NXN: variants seen among roughly 807,000 people sequenced by gnomAD.
The protein encoded by NXN is nucleoredoxin.
NXN carries 16 observed loss-of-function variants against 48.6 expected under a neutral mutation model. That is an observed-to-expected ratio of 0.33 (90% CI 0.22 to 0.50). The LOEUF is 0.50. NXN is among the 20% of genes least tolerant of loss of function. The pLI is 0.98. For missense variants in NXN, 492 were observed against 605.5 expected (o/e 0.81, Z 1.97); for synonymous variants, 281 against 269.6 (o/e 1.04, Z -0.41).
chr17:868,573 C>G (rs888979891), intron 1 of NXN, among the ~76,000 whole-genome samples: 6 of 152,214 alleles, frequency 3.9e-5, no homozygotes, highest in Admixed American at 2.0e-4. Flanking sequence ...CTTACTGCAA[C>G]CTCCGCCTCC....
chr17:965,252 A>G (rs566382446), intron 1 of NXN, among the ~76,000 whole-genome samples: 179 of 152,272 alleles, frequency 1.2e-3, no homozygotes, highest in Non-Finnish European at 2.2e-3. Context: ...CCAGCAACCC[A>G]CCGACGGAGG....
chr17:877,201 G>A (rs1157652952), intron 1 of NXN, among the ~76,000 whole-genome samples: 2 of 151,966 alleles, frequency 1.3e-5, no homozygotes, highest in Non-Finnish European at 2.9e-5. Flanking sequence ...AGGCTGGAGT[G>A]CAGTGGCATG....
chr17:850,637 G>A (rs138560573), intron 1 of NXN, among the ~76,000 whole-genome samples: 26 of 152,290 alleles, frequency 1.7e-4, no homozygotes, highest in Admixed American at 1.0e-3. Flanking sequence ...CCAGGGGGGC[G>A]GCGTGGGGGC....
chr17:935,756 T>C (rs563858252), intron 1 of NXN, among the ~76,000 whole-genome samples: 4 of 151,942 alleles, frequency 2.6e-5, no homozygotes, highest in Admixed American at 6.6e-5. Context: ...TTTCATAACA[T>C]CCCACTAGAT....
chr17:962,534 A>G (rs2069250007), intron 1 of NXN, among the ~76,000 whole-genome samples: 1 of 152,052 alleles, frequency 6.6e-6, no homozygotes, highest in African/African-American at 2.4e-5. Flanking sequence ...CAGTCTCATA[A>G]CCCCATCTCA....
Position 958,909 on chromosome 17 carries a change from G to C in NXN, c.360+20410C>G, listed in dbSNP as rs1246286288. 1 of 155,840 alleles carries C rather than the reference G, an allele frequency of 6.4e-6. No individual in the cohort carries two copies. The highest frequency in any genetic ancestry group is 2.0e-4 in the South Asian group (1 of 5,028). 9.7% of individuals were successfully genotyped at this position (155,840 alleles called of 1,614,324 possible). A position where few individuals can be genotyped will look rare whatever the true frequency, so the allele number is the denominator to read the frequency against. The stretch of plus-strand genomic sequence containing the variant: ...ATCACACTACTGTGCTCCAGCCTGG[G>C]TGACAGCCTGAGACTTGTCTTTAAA... On this transcript the variant is annotated intron_variant, in intron 1 of 7. Transcript: ENST00000336868. This position sits in a 1 kb window ranked among gnomAD's most constrained non-coding sequence, Gnocchi z 6.9.
chr17:863,798 A>C (rs1344372840), intron 1 of NXN: 2 of 676,844 alleles, frequency 3.0e-6, no homozygotes, highest in African/African-American at 3.6e-5. Context: ...GGTTGAAAAA[A>C]GTCCACATAC....
In NXN at chr17:825,914, G is replaced by A; in HGVS notation, c.478+47C>T. 1 of 1,219,504 alleles carries A rather than the reference G, an allele frequency of 8.2e-7. No homozygotes were observed. The highest frequency in any genetic ancestry group is 1.2e-6 in the Non-Finnish European group (1 of 838,188). The allele number at this position is 1,219,504 out of a possible 1,614,324, so 75.5% of individuals were successfully genotyped here. ...AGATTAGCCTAAGGGCATGGAGGAGGGAGGGCTGGGTAATAAGAGGACCAT... is the reference window on the plus strand; with the variant it reads ...AGATTAGCCTAAGGGCATGGAGGAGAGAGGGCTGGGTAATAAGAGGACCAT... On this transcript the variant is annotated intron_variant, in intron 2 of 7. Transcript: ENST00000336868. The surrounding 1 kb of genome is among the most constrained non-coding windows in gnomAD (Gnocchi z 4.1).
chr17:929,747 G>A (rs575386172), intron 1 of NXN: 1 of 152,174 alleles, frequency 6.6e-6, no homozygotes, highest in Non-Finnish European at 1.5e-5. Context: ...CAAAGCAGCT[G>A]GGCTGCTCTG....
chr17:814,782 T>C (rs1912374208), intron 5 of NXN, among the ~76,000 whole-genome samples: 2 of 150,116 alleles, frequency 1.3e-5, no homozygotes, highest in South Asian at 4.6e-4. Flanking sequence ...TCCCAGCACT[T>C]AGGGAGGAAT....
intron 1 of NXN, among the ~76,000 whole-genome samples, chr17:900,416 T>C (rs2068526552): frequency 6.6e-6 from 1 of 152,168 alleles, no homozygotes; most frequent in Non-Finnish European, 1.5e-5. Context: ...GAGCTGACCA[T>C]CTGGCTTCAG....
chr17:946,188 G>T (rs11868693), intron 1 of NXN, among the ~76,000 whole-genome samples: 76,219 of 150,076 alleles, frequency 0.51, 23,105 homozygotes, highest in Non-Finnish European at 0.7. Flanking sequence ...CAGGCTGGAG[G>T]GCAGTGGCGC....
intron 1 of NXN, among the ~76,000 whole-genome samples, chr17:936,634 T>A (rs769489122): frequency 6.6e-6 from 1 of 151,042 alleles, no homozygotes; most frequent in Non-Finnish European, 1.5e-5. Context: ...CAATTCTGGT[T>A]GTGCAAACAG....
intron 3 of NXN, among the ~76,000 whole-genome samples, chr17:823,062 T>C (rs1192735264): frequency 1.3e-5 from 2 of 149,610 alleles, no homozygotes; most frequent in African/African-American, 2.5e-5. Context: ...ATTGTGCCAC[T>C]GCACTCCAGC....
At chr17:869,848 T>C (rs2068132678) in intron 1 of NXN, among the ~76,000 whole-genome samples, 2 of 152,204 alleles carry the variant, frequency 1.3e-5, no homozygotes, top group Admixed American at 1.3e-4. Flanking sequence ...GTTCTTTGCC[T>C]CTGATCTCGG....
At chr17:802,949 T>A (rs111816963) in intron 7 of NXN, among the ~76,000 whole-genome samples, 3 of 22,652 alleles carry the variant, frequency 1.3e-4, no homozygotes, top group African/African-American at 3.2e-4. Flanking sequence ...TGGGGTGGGG[T>A]GGGGTGGGGA....
intron 1 of NXN, among the ~76,000 whole-genome samples, chr17:915,082 C>A (rs1004624010): frequency 1.3e-5 from 2 of 151,354 alleles, no homozygotes; most frequent in South Asian, 2.1e-4. Flanking sequence ...ATACAGGCAC[C>A]CGCCACAACG....
intron 5 of NXN, among the ~76,000 whole-genome samples, chr17:811,430 G>A (rs1441590087): frequency 1.3e-5 from 2 of 151,400 alleles, no homozygotes; most frequent in African/African-American, 4.8e-5. Context: ...CAGGTGTGTT[G>A]ACAACGGTCT....
chr17:840,453 C>A (rs139740562), intron 1 of NXN, among the ~76,000 whole-genome samples: 9,038 of 152,174 alleles, frequency 0.059, 349 homozygotes, highest in Middle Eastern at 0.095. Flanking sequence ...CATTCTCCTG[C>A]CTCAGCCTCC....
Sources: allele counts gnomAD v4.1 joint callset (sites outside exome capture counted in the v4.1 genomes callset), GRCh38; gene constraint gnomAD v4.1.1; non-coding constraint Gnocchi (gnomAD v3.1); transcripts MANE v1.5; gene names NCBI Gene and HGNC (gene_info 2026-07-23, HGNC 2026-07-21).